DMRTA2: variants seen among roughly 807,000 people sequenced by gnomAD.
DMRTA2 encodes the protein DMRT like family A2.
DMRTA2 carries 10 observed loss-of-function variants against 29.7 expected under a neutral mutation model. That is an observed-to-expected ratio of 0.34 (90% CI 0.21 to 0.57). The LOEUF is 0.57. Among genes scored for constraint, DMRTA2 ranks in the 20% least tolerant of loss-of-function variants. DMRTA2 has a pLI of 0.87. For missense variants in DMRTA2, 783 were observed against 812.1 expected (o/e 0.96, Z 0.44); for synonymous variants, 469 against 402.6 (o/e 1.16, Z -1.97).
In DMRTA2 at chr1:50,421,777, G is replaced by A. The variant is rs1375358435; in HGVS notation, c.-8-233C>T. ...TCTTAGACCTGATATACACGCTAGG[G>A]GTAAGATTTTGTCTGAATTAGTGAT... On this transcript the variant is annotated intron_variant, in intron 1 of 2. Transcript: ENST00000404795. The surrounding 1 kb of genome is among the most constrained non-coding windows in gnomAD (Gnocchi z 8.7). The A allele has an allele frequency of 5.5e-6, 2 of 365,734 alleles. No homozygotes were observed. The highest frequency in any genetic ancestry group is 9.5e-6 in the Non-Finnish European group (2 of 210,612). 22.7% of individuals were successfully genotyped at this position (365,734 alleles called of 1,614,324 possible). A position where few individuals can be genotyped will look rare whatever the true frequency, so the allele number is the denominator to read the frequency against.
At position 50,417,595 on chromosome 1, in the gene DMRTA2, A is replaced by C. The variant is rs994571957; in HGVS notation, c.*1070T>G. The C allele has an allele frequency of 2.0e-5, 3 of 151,736 alleles. No homozygotes were observed. 9.4% of individuals were successfully genotyped at this position (151,736 alleles called of 1,614,324 possible). A position where few individuals can be genotyped will look rare whatever the true frequency, so the allele number is the denominator to read the frequency against. On this transcript the variant is annotated 3_prime_UTR_variant, in exon 3 of 3. Coordinates refer to ENST00000404795, the MANE Select transcript of DMRTA2 (RefSeq NM_032110.3). Reference sequence around the variant, plus strand: ...ATTTATTTCTAGCTCATATCTATGCAAAGGAAAGCACAAAGTGCTGCTCTG... The same window carrying C: ...ATTTATTTCTAGCTCATATCTATGCCAAGGAAAGCACAAAGTGCTGCTCTG...
chr1:50,419,551 GA>G lies in DMRTA2; in HGVS notation c.742del (p.Ser248LeufsTer5). 1 of 1,569,020 alleles carries G rather than the reference GA, an allele frequency of 6.4e-7. No individual in the cohort carries two copies. The highest frequency in any genetic ancestry group is 8.6e-7 in the Non-Finnish European group (1 of 1,160,138). On this transcript the variant is annotated frameshift_variant, in exon 3 of 3. Coordinates refer to ENST00000404795, the MANE Select transcript of DMRTA2 (RefSeq NM_032110.3). LOFTEE classifies it high-confidence loss of function. The surrounding 1 kb of genome is among the most constrained non-coding windows in gnomAD (Gnocchi z 6.1). Reference protein sequence around the residue: ...GSENGDGESFSGSPLARASKE... With the variant: ...GSENGDGESFXGSPLARASKE... ...GGAGGCCCGAGCTAGGGGCGAACCA[GA>G]AAAGGACTCGCCATCGCCGTTCTCC...
Position 50,419,514 on chromosome 1 carries a change from A to G in DMRTA2, c.780T>C (p.Gly260=), listed in dbSNP as rs189260891. 5,687 of 1,586,078 alleles carry G rather than the reference A, an allele frequency of 3.6e-3. 175 individuals carry two copies. The African/African-American group carries it at 0.067, about 19-fold the overall frequency. The change falls in exon 3 of 3, where the codon GGT becomes GGC. Residue 260 remains glycine, a synonymous_variant. Coordinates refer to ENST00000404795, the MANE Select transcript of DMRTA2 (RefSeq NM_032110.3). This position sits in a 1 kb window ranked among gnomAD's most constrained non-coding sequence, Gnocchi z 6.1. ...GGCCAGCGCTGCCTGGGCAGCTGCC[A>G]CCTGCCTCTTTGGAGGCCCGAGCTA... ...SPLARASKEA[G]GSCPGSAGPG... is the part of the protein sequence containing the mutation.
chr1:50,421,083 G>T lies in DMRTA2; in HGVS notation c.454C>A (p.Pro152Thr), dbSNP rs1355255827. ...AAANGIIPPR[P>T]AYEVFGSVCA... is the part of the protein sequence containing the mutation. ...ACTGAACCGAAGACCTCGTAGGCGG[G>T]CCTCGGGGGGATGATGCCGTTGGCG... The change falls in exon 2 of 3, where the codon CCC (proline) becomes ACC (threonine). Residue 152 changes from proline to threonine, a missense_variant. This residue lies in a region of DMRTA2 where 667 missense variants were observed against 624.8 expected (regional missense o/e 1.07). Coordinates refer to ENST00000404795, the MANE Select transcript of DMRTA2 (RefSeq NM_032110.3). The surrounding 1 kb of genome is among the most constrained non-coding windows in gnomAD (Gnocchi z 8.7). 6.6e-7 allele frequency: 1 copy of T among 1,522,610 alleles called. No individual in the cohort carries two copies. The highest frequency in any genetic ancestry group is 1.2e-5 in the South Asian group (1 of 82,536). The allele number at this position is 1,522,610 out of a possible 1,614,324, so 94.3% of individuals were successfully genotyped here.
At position 50,422,758 on chromosome 1, in the gene DMRTA2, G is replaced by T. The variant is rs1252578394; in HGVS notation, c.-9+358C>A. Among the ~76,000 whole-genome samples, 1 of 152,150 alleles carries T rather than the reference G, an allele frequency of 6.6e-6. No homozygotes were observed. Among genetic ancestry groups the T allele is most frequent in the Non-Finnish European group, 1.5e-5 (1 of 68,016 alleles). Reference sequence around the variant, plus strand: ...CTCCTGCGTTCTGATCTCAGAGTTGGGGTCCTAGGACACGGATGGCCCAGC... The same window carrying T: ...CTCCTGCGTTCTGATCTCAGAGTTGTGGTCCTAGGACACGGATGGCCCAGC... On this transcript the variant is annotated intron_variant, in intron 1 of 2. Coordinates refer to ENST00000404795, the MANE Select transcript of DMRTA2 (RefSeq NM_032110.3). This position sits in a 1 kb window ranked among gnomAD's most constrained non-coding sequence, Gnocchi z 5.7.
Position 50,418,582 on chromosome 1 carries a change from G to A in DMRTA2, c.*83C>T, listed in dbSNP as rs150404872. ...CGCCCAGCCAGGGCGCAGAGAGAGC[G>A]CTGGGCGAAGAGGGGTCGATGGCCC... On this transcript the variant is annotated 3_prime_UTR_variant, in exon 3 of 3. Transcript: ENST00000404795. 3,444 of 1,187,408 alleles carry A rather than the reference G, an allele frequency of 2.9e-3. 81 individuals are homozygous for A. In the African/African-American group the frequency reaches 0.051, roughly 17 times the overall value. 73.6% of individuals were successfully genotyped at this position (1,187,408 alleles called of 1,614,324 possible).
In DMRTA2 at chr1:50,421,207, C is replaced by T. The variant is rs1459825923; in HGVS notation, c.330G>A (p.Ala110=). Residue 110 remains alanine (A), a synonymous_variant, in exon 2 of 3, where the codon GCG becomes GCA. Coordinates refer to ENST00000404795, the MANE Select transcript of DMRTA2 (RefSeq NM_032110.3). The surrounding 1 kb of genome is among the most constrained non-coding windows in gnomAD (Gnocchi z 8.7). ...TLIAERQRVM[A]AQVALRRQQA... ...GCTGCCTGCGCAGCGCCACCTGCGC[C>T]GCCATGACACGCTGGCGCTCCGCGA... is the stretch of plus-strand genomic sequence containing the variant. The T allele has an allele frequency of 4.6e-6, 7 of 1,537,292 alleles. No individual in the cohort carries two copies. The African/African-American group carries it at 9.9e-5, about 22-fold the overall frequency.
chr1:50,421,261 C>T lies in DMRTA2; in HGVS notation c.276G>A (p.Lys92=), dbSNP rs986119038. The stretch of plus-strand genomic sequence containing the variant: ...GCGTGCACTTGGCGCACAGGCAGTC[C>T]TTCCAGCGACAGTAGCGTTTGTGGC... The part of the protein sequence containing the change: ...LKGHKRYCRW[K]DCLCAKCTLI... The change falls in exon 2 of 3, where the codon AAG becomes AAA. Residue 92 remains lysine (K), a synonymous_variant. Transcript: ENST00000404795. The surrounding 1 kb of genome is among the most constrained non-coding windows in gnomAD (Gnocchi z 8.7). 9 of 1,536,972 alleles carry T rather than the reference C, an allele frequency of 5.9e-6. No individual in the cohort carries two copies. The highest frequency in any genetic ancestry group is 7.9e-6 in the Non-Finnish European group (9 of 1,141,160).
chr1:50,421,551 G>A lies in DMRTA2; in HGVS notation c.-8-7C>T. On this transcript the variant is annotated splice_region_variant and splice_polypyrimidine_tract_variant and intron_variant, in intron 1 of 2. Coordinates refer to ENST00000404795, the MANE Select transcript of DMRTA2 (RefSeq NM_032110.3). This position sits in a 1 kb window ranked among gnomAD's most constrained non-coding sequence, Gnocchi z 8.7. ...CGCAGCTCCATGACAGGACCTGACGGGAAAGAAGGTGGGAGAGGGGAGAGA... is the reference window on the plus strand; with the variant it reads ...CGCAGCTCCATGACAGGACCTGACGAGAAAGAAGGTGGGAGAGGGGAGAGA... 1 of 1,243,872 alleles carries A rather than the reference G, an allele frequency of 8.0e-7. No homozygotes were observed. Among genetic ancestry groups the A allele is most frequent in the Non-Finnish European group, 1.0e-6 (1 of 997,282 alleles). The allele number at this position is 1,243,872 out of a possible 1,614,324, so 77.1% of individuals were successfully genotyped here.
rs1646032470 is a variant in DMRTA2, at chr1:50,420,935, T to C, written c.559+43A>G. 7.8e-6 allele frequency: 11 copies of C among 1,405,702 alleles called. No individual in the cohort carries two copies. The highest frequency in any genetic ancestry group is 1.0e-5 in the Non-Finnish European group (11 of 1,089,770). The allele number at this position is 1,405,702 out of a possible 1,614,324, so 87.1% of individuals were successfully genotyped here. ...GCCCCTGGGCCCCGTGCCCCAGAGCTACGATCCTGCTGCCCCTACCTGCGG... is the reference window on the plus strand; with the variant it reads ...GCCCCTGGGCCCCGTGCCCCAGAGCCACGATCCTGCTGCCCCTACCTGCGG... On this transcript the variant is annotated intron_variant, in intron 2 of 2. Coordinates refer to ENST00000404795, the MANE Select transcript of DMRTA2 (RefSeq NM_032110.3). The surrounding 1 kb of genome is among the most constrained non-coding windows in gnomAD (Gnocchi z 4.1).
At position 50,421,493 on chromosome 1, in the gene DMRTA2, G is replaced by T; in HGVS notation, c.44C>A (p.Thr15Lys). ...CCCCGTCGCTGTTGCCGCCGCCGCCGTCGCCGCGCCGGGCACGCTGGGCAG... is the reference window on the plus strand; with the variant it reads ...CCCCGTCGCTGTTGCCGCCGCCGCCTTCGCCGCGCCGGGCACGCTGGGCAG... ...SELPSVPGAA[T>K]AAAATATGPP... is the part of the protein sequence containing the mutation. Residue 15 changes from threonine (T) to lysine (K), a missense_variant, in exon 2 of 3, where the codon ACG (threonine) becomes AAG (lysine). Coordinates refer to ENST00000404795, the MANE Select transcript of DMRTA2 (RefSeq NM_032110.3). The surrounding 1 kb of genome is among the most constrained non-coding windows in gnomAD (Gnocchi z 8.7). 3.1e-6 allele frequency: 4 copies of T among 1,272,708 alleles called. No homozygotes were observed. The highest frequency in any genetic ancestry group is 3.9e-6 in the Non-Finnish European group (4 of 1,015,882). 78.8% of individuals were successfully genotyped at this position (1,272,708 alleles called of 1,614,324 possible). A position where few individuals can be genotyped will look rare whatever the true frequency, so the allele number is the denominator to read the frequency against.
At position 50,419,368 on chromosome 1, in the gene DMRTA2, G is replaced by A. The variant is rs1421831869; in HGVS notation, c.926C>T (p.Ser309Leu). Residue 309 changes from serine to leucine, a missense_variant, in exon 3 of 3, where the codon TCG (serine) becomes TTG (leucine). By Grantham distance (145) the Ser-to-Leu change is moderately radical. Coordinates refer to ENST00000404795, the MANE Select transcript of DMRTA2 (RefSeq NM_032110.3). The surrounding 1 kb of genome is among the most constrained non-coding windows in gnomAD (Gnocchi z 6.1). ...CAGCGGCGTCCGCTGCCGTGGACCCGAGCCTCCGCCCAGCCCTGGCGCCGG... is the reference window on the plus strand; with the variant it reads ...CAGCGGCGTCCGCTGCCGTGGACCCAAGCCTCCGCCCAGCCCTGGCGCCGG... ...AAPAPGLGGG[S>L]GPRQRTPLDI... The A allele has an allele frequency of 1.3e-6, 2 of 1,596,658 alleles. No homozygotes were observed.
rs540114002 is a variant in DMRTA2 at position 50,418,745 on chromosome 1, C to T, written c.1549G>A (p.Ala517Thr). 4.2e-5 allele frequency: 65 copies of T among 1,559,268 alleles called. No individual in the cohort carries two copies. The highest frequency in any genetic ancestry group is 5.7e-5 in the Admixed American group (3 of 52,286). Reference sequence around the variant, plus strand: ...GTCGGCTCCTTGTGCACCGCCGCAGCAGCGGCGGCCGAGCGGTCACGCATG... The same window carrying T: ...GTCGGCTCCTTGTGCACCGCCGCAGTAGCGGCGGCCGAGCGGTCACGCATG... ...DLMRDRSAAA[A>T]AAVHKEPTYG... The change falls in exon 3 of 3, where the codon GCT (alanine) becomes ACT (threonine). Residue 517 changes from alanine to threonine, a missense_variant. Transcript: ENST00000404795.
In DMRTA2 at chr1:50,418,419, C is replaced by T. The variant is rs1646003835; in HGVS notation, c.*246G>A. 5.4e-6 allele frequency: 2 copies of T among 368,974 alleles called. No individual in the cohort carries two copies. Among genetic ancestry groups the T allele is most frequent in the Non-Finnish European group, 4.8e-6 (1 of 207,692 alleles). The allele number at this position is 368,974 out of a possible 1,614,324, so 22.9% of individuals were successfully genotyped here. A position where few individuals can be genotyped will look rare whatever the true frequency, so the allele number is the denominator to read the frequency against. ...GCCGGGTGAGGCTGGAAGAGGGATCCGGAGGTAGGAGATGAGGACCCAGGC... is the reference window on the plus strand; with the variant it reads ...GCCGGGTGAGGCTGGAAGAGGGATCTGGAGGTAGGAGATGAGGACCCAGGC... On this transcript the variant is annotated 3_prime_UTR_variant, in exon 3 of 3. Coordinates refer to ENST00000404795, the MANE Select transcript of DMRTA2 (RefSeq NM_032110.3).
In DMRTA2 at chr1:50,419,458, C is replaced by G. The variant is rs771381961; in HGVS notation, c.836G>C (p.Gly279Ala). The G allele has an allele frequency of 6.3e-7, 1 of 1,597,406 alleles. No individual in the cohort carries two copies. Residue 279 changes from glycine (G) to alanine (A), a missense_variant, in exon 3 of 3, where the codon GGC becomes GCC. By Grantham distance (60) the Gly-to-Ala change is moderately conservative. Transcript: ENST00000404795. The surrounding 1 kb of genome is among the most constrained non-coding windows in gnomAD (Gnocchi z 6.1). ...TTCAGAGCCCAGAGGGCTAGCGGAG[C>G]CCGGGCTGTCCTCCTCGCCGCCGCC... Reference protein sequence around the residue: ...PGGGGEEDSPGSASPLGSESG... With the variant: ...PGGGGEEDSPASASPLGSESG...
Position 50,421,396 on chromosome 1 carries a change from T to C in DMRTA2, c.141A>G (p.Ala47=). The C allele has an allele frequency of 6.7e-7, 1 of 1,487,194 alleles. No homozygotes were observed. The highest frequency in any genetic ancestry group is 8.9e-7 in the Non-Finnish European group (1 of 1,120,698). The allele number at this position is 1,487,194 out of a possible 1,614,324, so 92.1% of individuals were successfully genotyped here. Residue 47 remains alanine (A), a synonymous_variant, in exon 2 of 3, where the codon GCA becomes GCG. Coordinates refer to ENST00000404795, the MANE Select transcript of DMRTA2 (RefSeq NM_032110.3). The surrounding 1 kb of genome is among the most constrained non-coding windows in gnomAD (Gnocchi z 8.7). ...GTGGCGGCCCCCGCAGCAAGCCGCC[T>C]GCCACGCTCACCGGTAGCGATGCAG... ...AAAASLPVSV[A]GGLLRGPPLL... is the part of the protein sequence containing the mutation.
Position 50,419,518 on chromosome 1 carries a change from G to T in DMRTA2, c.776C>A (p.Ala259Glu). ...GSPLARASKE[A>E]GGSCPGSAGP... Reference sequence around the variant, plus strand: ...AGCGCTGCCTGGGCAGCTGCCACCTGCCTCTTTGGAGGCCCGAGCTAGGGG... The same window carrying T: ...AGCGCTGCCTGGGCAGCTGCCACCTTCCTCTTTGGAGGCCCGAGCTAGGGG... The change falls in exon 3 of 3, where the codon GCA (alanine) becomes GAA (glutamate). Residue 259 changes from alanine to glutamate, a missense_variant. Coordinates refer to ENST00000404795, the MANE Select transcript of DMRTA2 (RefSeq NM_032110.3). The surrounding 1 kb of genome is among the most constrained non-coding windows in gnomAD (Gnocchi z 6.1). The T allele has an allele frequency of 6.3e-7, 1 of 1,588,432 alleles. No homozygotes were observed. Among genetic ancestry groups the T allele is most frequent in the African/African-American group, 1.4e-5 (1 of 73,488 alleles).
chr1:50,421,016 G>A lies in DMRTA2; in HGVS notation c.521C>T (p.Ala174Val). ...GCCAGCTGCTCCGCCTCCGGTCCCC[G>A]CGGGCGCTCCCGCTCCAGGTCCCCC... is the stretch of plus-strand genomic sequence containing the variant. ...DGGGPGAGAP[A>V]GTGGGAAGAG... Residue 174 changes from alanine (A) to valine (V), a missense_variant, in exon 2 of 3, where the codon GCG (alanine) becomes GTG (valine). Coordinates refer to ENST00000404795, the MANE Select transcript of DMRTA2 (RefSeq NM_032110.3). This position sits in a 1 kb window ranked among gnomAD's most constrained non-coding sequence, Gnocchi z 8.7. 1.3e-6 allele frequency: 2 copies of A among 1,507,890 alleles called. No individual in the cohort carries two copies. The highest frequency in any genetic ancestry group is 1.8e-6 in the Non-Finnish European group (2 of 1,135,124). 93.4% of individuals were successfully genotyped at this position (1,507,890 alleles called of 1,614,324 possible).
chr1:50,418,782 G>A lies in DMRTA2; in HGVS notation c.1512C>T (p.Ala504=). Residue 504 remains alanine, a synonymous_variant, in exon 3 of 3, where the codon GCC becomes GCT. Coordinates refer to ENST00000404795, the MANE Select transcript of DMRTA2 (RefSeq NM_032110.3). ...TLGFRPPMDY[A]FSDLMRDRSA... Reference sequence around the variant, plus strand: ...AGCGGTCACGCATGAGATCGCTAAAGGCGTAGTCCATGGGTGGGCGGAAGC... The same window carrying A: ...AGCGGTCACGCATGAGATCGCTAAAAGCGTAGTCCATGGGTGGGCGGAAGC... The A allele has an allele frequency of 1.3e-6, 2 of 1,588,724 alleles. No homozygotes were observed. Among genetic ancestry groups the A allele is most frequent in the Non-Finnish European group, 8.5e-7 (1 of 1,170,306 alleles).
Sources: gnomAD v4.1 joint callset for allele counts (sites outside exome capture counted in the v4.1 genomes callset) on GRCh38, gnomAD v4.1.1 for gene constraint, gnomAD v4.1.1 regional missense constraint, Gnocchi (gnomAD v3.1) non-coding constraint, MANE v1.5 for transcripts, NCBI Gene and HGNC (gene_info 2026-07-23, HGNC 2026-07-21) for gene names.